EYS: variants seen among roughly 807,000 people sequenced by gnomAD.
EYS encodes the protein EGF-like photoreceptor maintenance factor, also known as protein eyes shut homolog.
Under a neutral mutation model 282.1 loss-of-function variants are expected in EYS, and 250 were observed. The ratio of observed to expected loss-of-function variants is 0.89; its 90% CI spans 0.80 to 0.98. EYS has a LOEUF of 0.98. Ranked by LOEUF, EYS falls within the 50% of genes least tolerant of loss-of-function variation. EYS has a pLI of 0.00. For synonymous variants in EYS, 1,355 were observed against 1,282.9 expected (o/e 1.06, Z -1.20); for missense variants, 4,016 against 3,709.0 (o/e 1.08, Z -2.15).
At chr6:65,587,439 G>GAA in intron 2 of EYS, among the ~76,000 whole-genome samples, 1 of 152,156 alleles carries the variant, frequency 6.6e-6, no homozygotes, top group South Asian at 2.1e-4. Flanking sequence ...AAGTTCTCAT[G>GAA]AGATCTGATG....
chr6:64,972,129 C>T (rs1328939746), intron 14 of EYS, among the ~76,000 whole-genome samples: 1 of 152,130 alleles, frequency 6.6e-6, no homozygotes, highest in Admixed American at 6.5e-5. Context: ...ATGATGATTT[C>T]TTATGAACCA....
At chr6:65,583,133 T>G (rs1764924801) in intron 2 of EYS, among the ~76,000 whole-genome samples, 1 of 152,056 alleles carries the variant, frequency 6.6e-6, no homozygotes, top group Admixed American at 6.6e-5. Flanking sequence ...TCAAAGGTAC[T>G]GTTCTAATTG....
intron 28 of EYS, chr6:64,400,295 T>C (rs1379199106): frequency 1.3e-5 from 2 of 152,174 alleles, no homozygotes; most frequent in South Asian, 2.1e-4. Context: ...AAATTCTTCA[T>C]GGTTATTCTT....
chr6:64,688,188 T>C (rs1034934547), intron 22 of EYS, among the ~76,000 whole-genome samples: 9 of 152,176 alleles, frequency 5.9e-5, no homozygotes, highest in Non-Finnish European at 1.2e-4. Flanking sequence ...CCCGGATTCA[T>C]TGATTTTTTT....
At chr6:65,337,874 A>G (rs920743243) in intron 10 of EYS, among the ~76,000 whole-genome samples, 1 of 150,926 alleles carries the variant, frequency 6.6e-6, no homozygotes, top group African/African-American at 2.4e-5. Flanking sequence ...AAAGAGAGCA[A>G]TATTTTAACA....
At chr6:64,724,583 T>C (rs915032581) in intron 22 of EYS, among the ~76,000 whole-genome samples, 13 of 152,224 alleles carry the variant, frequency 8.5e-5, no homozygotes, top group Admixed American at 6.5e-4. Context: ...ACATCTGAAG[T>C]CAGATTTATT....
intron 18 of EYS, among the ~76,000 whole-genome samples, chr6:64,893,103 G>T (rs1375719614): frequency 1.3e-5 from 2 of 152,010 alleles, no homozygotes; most frequent in Non-Finnish European, 2.9e-5. Flanking sequence ...GGATACTATT[G>T]TGAGTGACCT....
intron 19 of EYS, among the ~76,000 whole-genome samples, chr6:64,824,854 T>A (rs1244559102): frequency 2.0e-5 from 3 of 151,852 alleles, no homozygotes; most frequent in Non-Finnish European, 2.9e-5. Context: ...TTCCTAATGT[T>A]TTATTCATTA....
chr6:63,888,731 T>TC (rs1393444929), intron 35 of EYS, among the ~76,000 whole-genome samples: 1 of 152,124 alleles, frequency 6.6e-6, no homozygotes, highest in Non-Finnish European at 1.5e-5. Flanking sequence ...ATGCCTCTTC[T>TC]CCCCCAAAGG....
At chr6:64,579,861 C>T (rs11751277) in intron 26 of EYS, among the ~76,000 whole-genome samples, 15,349 of 152,102 alleles carry the variant, frequency 0.1, 927 homozygotes, top group East Asian at 0.17. Flanking sequence ...GCTATGATCT[C>T]TTACCTTTAC....
At chr6:65,440,848 T>G in intron 5 of EYS, among the ~76,000 whole-genome samples, 1 of 145,874 alleles carries the variant, frequency 6.9e-6, no homozygotes, top group East Asian at 2.0e-4. Context: ...AATATGTGTA[T>G]ATATATATAT....
At chr6:65,037,668 A>C in intron 13 of EYS, among the ~76,000 whole-genome samples, 1 of 151,864 alleles carries the variant, frequency 6.6e-6, no homozygotes, top group African/African-American at 2.4e-5. Flanking sequence ...TAAGGCTCCC[A>C]GTCAAGAGTT....
At chr6:65,554,703 T>C (rs1175246522) in intron 2 of EYS, among the ~76,000 whole-genome samples, 2 of 152,166 alleles carry the variant, frequency 1.3e-5, no homozygotes, top group Non-Finnish European at 2.9e-5. Context: ...CAGTTAAAAA[T>C]AGCAATGCCC....
At chr6:64,349,891 T>G (rs1272179938) in intron 29 of EYS, among the ~76,000 whole-genome samples, 1 of 151,558 alleles carries the variant, frequency 6.6e-6, no homozygotes, top group Middle Eastern at 3.2e-3. Flanking sequence ...AAATATCTAC[T>G]TGAAGAAGTC....
chr6:65,122,580 T>C (rs527954564), intron 12 of EYS, among the ~76,000 whole-genome samples: 11 of 152,156 alleles, frequency 7.2e-5, no homozygotes, highest in Non-Finnish European at 1.5e-4. Flanking sequence ...GTCCCATTAA[T>C]GTTTAACATA....
chr6:65,154,134 A>G (rs1764680208), intron 12 of EYS, among the ~76,000 whole-genome samples: 1 of 151,806 alleles, frequency 6.6e-6, no homozygotes, highest in Non-Finnish European at 1.5e-5. Context: ...TGAACCTCAC[A>G]GTGCCAACTC....
intron 26 of EYS, among the ~76,000 whole-genome samples, chr6:64,552,666 G>A (rs1181286236): frequency 5.3e-5 from 8 of 152,108 alleles, no homozygotes; most frequent in Admixed American, 5.2e-4. Context: ...TGTAGTCCCA[G>A]GACTTTGGGA....
intron 22 of EYS, among the ~76,000 whole-genome samples, chr6:64,635,246 A>G (rs1250142062): frequency 6.6e-6 from 1 of 152,168 alleles, no homozygotes; most frequent in Non-Finnish European, 1.5e-5. Flanking sequence ...GGTTTTCCAG[A>G]TACACAATCA....
chr6:64,980,324 GTCA>G (rs1477485335), intron 14 of EYS, among the ~76,000 whole-genome samples: 1 of 151,318 alleles, frequency 6.6e-6, no homozygotes, highest in Non-Finnish European at 1.5e-5. Flanking sequence ...TTAAATCTAG[GTCA>G]TCAACAGAAT....
Sources: gnomAD v4.1 joint callset for allele counts (sites outside exome capture counted in the v4.1 genomes callset) on GRCh38, gnomAD v4.1.1 for gene constraint, MANE v1.5 for transcripts, NCBI Gene and HGNC (gene_info 2026-07-23, HGNC 2026-07-21) for gene names.